The following DPP10 variants were observed in gnomAD, a reference collection of about 807,000 sequenced individuals.
DPP10 encodes dipeptidyl peptidase like 10, also known as inactive dipeptidyl peptidase 10.
In DPP10, 33 loss-of-function variants were observed where a neutral mutation model predicts 120.9. That is an observed-to-expected ratio of 0.27 (90% CI 0.21 to 0.37). The LOEUF is 0.37. DPP10 is among the 10% of genes least tolerant of loss of function. The pLI is 1.00. For missense variants in DPP10, 816 were observed against 942.8 expected, an observed-to-expected ratio of 0.87 and a Z score of 1.76; for synonymous variants, 337 against 326.1, an observed-to-expected ratio of 1.03 and a Z score of -0.36.
chr2:114,493,490 T>A (rs1215160394), intron 1 of DPP10, among the ~76,000 whole-genome samples: 1 of 151,950 alleles, frequency 6.6e-6, no homozygotes, highest in East Asian at 1.9e-4. Context: ...TAAGAGGACA[T>A]AGAAACCCAG....
At chr2:115,101,721 A>T (rs1403310059) in intron 1 of DPP10, among the ~76,000 whole-genome samples, 3 of 152,236 alleles carry the variant, frequency 2.0e-5, no homozygotes, top group Non-Finnish European at 4.4e-5. Flanking sequence ...AACATGCCAA[A>T]GATAACTGGA....
At chr2:115,263,340 C>G (rs915474325) in intron 1 of DPP10, among the ~76,000 whole-genome samples, 1 of 152,196 alleles carries the variant, frequency 6.6e-6, no homozygotes, top group East Asian at 1.9e-4. Flanking sequence ...CCACCCTTCC[C>G]CCTTGCTACC....
chr2:114,554,964 C>T (rs1163488468), intron 1 of DPP10, among the ~76,000 whole-genome samples: 2 of 152,174 alleles, frequency 1.3e-5, no homozygotes, highest in Non-Finnish European at 2.9e-5. Context: ...TGTCCACGGG[C>T]TGCTGGTCCC....
At chr2:115,166,005 A>G (rs2052810986) in intron 1 of DPP10, among the ~76,000 whole-genome samples, 1 of 152,236 alleles carries the variant, frequency 6.6e-6, no homozygotes, top group African/African-American at 2.4e-5. Flanking sequence ...CATGACCAGA[A>G]TTGAGATCAA....
chr2:115,215,035 A>G (rs2056736742), intron 1 of DPP10, among the ~76,000 whole-genome samples: 1 of 152,156 alleles, frequency 6.6e-6, no homozygotes, highest in South Asian at 2.1e-4. Flanking sequence ...TCCATTACCC[A>G]ATAGGTTTGG....
intron 3 of DPP10, among the ~76,000 whole-genome samples, chr2:115,447,551 T>C (rs946969398): frequency 6.6e-6 from 1 of 152,052 alleles, no homozygotes; most frequent in African/African-American, 2.4e-5. Flanking sequence ...AGGGACCTGG[T>C]GGTAGGTGAT....
At chr2:115,002,651 C>T (rs944907703) in intron 1 of DPP10, among the ~76,000 whole-genome samples, 1 of 151,954 alleles carries the variant, frequency 6.6e-6, no homozygotes, top group Admixed American at 6.6e-5. Flanking sequence ...TCCTAAGAAA[C>T]TTAAACAAAT....
chr2:115,108,647 GA>G lies in DPP10; in HGVS notation c.61-200583del, dbSNP rs983080131. ...TACAGATTTTCTATAACCAAAGTCT[GA>G]AAAAAAAATTTAAATTGAATTTTAG... On this transcript the variant is annotated intron_variant, in intron 1 of 25. Transcript: ENST00000410059. Among the ~76,000 whole-genome samples the G allele has an allele frequency of 1.9e-4, 29 of 151,290 alleles. 1 individual carries two copies. Among genetic ancestry groups the G allele is most frequent in the Admixed American group, 5.3e-4 (8 of 15,208 alleles).
In DPP10 at chr2:114,497,072, T is replaced by C. The variant is rs139368334; in HGVS notation, c.60+54234T>C. 2.8e-3 allele frequency among the ~76,000 whole-genome samples: 419 copies of C among 150,188 alleles called. 1 individual carries two copies. Among genetic ancestry groups the C allele is most frequent in the African/African-American group, 1.0e-2 (409 of 40,990 alleles). ...ATACACATACATATATACATACACA[T>C]ATACATATACATGTACATGTACATG... is the stretch of plus-strand genomic sequence containing the variant. On this transcript the variant is annotated intron_variant, in intron 1 of 25. Coordinates refer to ENST00000410059, the MANE Select transcript of DPP10 (RefSeq NM_020868.6).
intron 1 of DPP10, among the ~76,000 whole-genome samples, chr2:115,258,433 C>T (rs759232434): frequency 2.8e-5 from 4 of 145,196 alleles, no homozygotes; most frequent in Non-Finnish European, 6.0e-5. Context: ...GACAATAATC[C>T]AGAAACAAAA....
At chr2:115,802,469 C>T (rs1685379080) in intron 19 of DPP10, among the ~76,000 whole-genome samples, 1 of 152,068 alleles carries the variant, frequency 6.6e-6, no homozygotes, top group East Asian at 1.9e-4. Flanking sequence ...TTGCCTTCTG[C>T]TAGCTTTTGA....
At chr2:115,105,422 TGAGAGAGAGA>T (rs10565038) in intron 1 of DPP10, among the ~76,000 whole-genome samples, 50 of 146,158 alleles carry the variant, frequency 3.4e-4, no homozygotes, top group Admixed American at 4.8e-4. Flanking sequence ...TGTCACATGG[TGAGAGAGAGA>T]GAGAGAGAGA....
intron 1 of DPP10, among the ~76,000 whole-genome samples, chr2:114,622,733 G>A (rs568667536): frequency 6.3e-4 from 96 of 152,192 alleles, no homozygotes; most frequent in African/African-American, 2.1e-3. Context: ...TCTGAAAATA[G>A]GAGTCCATGG....
intron 1 of DPP10, among the ~76,000 whole-genome samples, chr2:114,729,909 T>A (rs997630621): frequency 6.2e-4 from 95 of 152,314 alleles, no homozygotes; most frequent in African/African-American, 2.2e-3. Flanking sequence ...GAACAGGCAG[T>A]AATTGATGAA....
At chr2:114,701,637 A>G (rs902948624) in intron 1 of DPP10, among the ~76,000 whole-genome samples, 17 of 152,152 alleles carry the variant, frequency 1.1e-4, no homozygotes, top group African/African-American at 3.9e-4. Flanking sequence ...ACCCTTTGAC[A>G]GAAGTTTATT....
At chr2:114,738,983 G>A (rs1316497577) in intron 1 of DPP10, among the ~76,000 whole-genome samples, 2 of 152,158 alleles carry the variant, frequency 1.3e-5, no homozygotes, top group African/African-American at 4.8e-5. Flanking sequence ...ATGGCCTGCA[G>A]TTCCCAGCAC....
chr2:115,593,522 C>T (rs2149184739), intron 5 of DPP10, among the ~76,000 whole-genome samples: 1 of 151,930 alleles, frequency 6.6e-6, no homozygotes, highest in Admixed American at 6.6e-5. Flanking sequence ...TTAAGAAAAG[C>T]ACAGTTTTAA....
At chr2:114,815,029 A>T (rs1409017651) in intron 1 of DPP10, among the ~76,000 whole-genome samples, 1 of 152,188 alleles carries the variant, frequency 6.6e-6, no homozygotes, top group Admixed American at 6.5e-5. Flanking sequence ...GGCAAACCTG[A>T]ACAGAAGGTT....
At chr2:115,649,110 G>A (rs2087531915) in intron 5 of DPP10, among the ~76,000 whole-genome samples, 1 of 152,132 alleles carries the variant, frequency 6.6e-6, no homozygotes. Flanking sequence ...GGGAAAAGGA[G>A]AGGAAATAGA....
Sources: gnomAD v4.1 joint callset for allele counts (sites outside exome capture counted in the v4.1 genomes callset) on GRCh38, gnomAD v4.1.1 for gene constraint, MANE v1.5 for transcripts, NCBI Gene and HGNC (gene_info 2026-07-23, HGNC 2026-07-21) for gene names.